The following VTN variants were observed in gnomAD, a reference collection of about 807,000 sequenced individuals.
VTN encodes the protein complement S-protein.
In VTN, 45 loss-of-function variants were observed where a neutral mutation model predicts 55.9. That is an observed-to-expected ratio of 0.80 (90% CI 0.63 to 1.03). The LOEUF (loss-of-function observed/expected upper bound fraction) is 1.03, where lower values mean the gene tolerates loss of function less well. VTN is among the 50% of genes least tolerant of loss of function. VTN has a pLI of 0.00. For missense variants in VTN, 589 were observed against 638.2 expected (o/e 0.92, Z 0.83); for synonymous variants, 238 against 242.3 (o/e 0.98, Z 0.17).
At position 28,368,070 on chromosome 17, in the gene VTN, G is replaced by A; in HGVS notation, c.980-11C>T. 6.4e-7 allele frequency: 1 copy of A among 1,561,808 alleles called. No homozygotes were observed. The highest frequency in any genetic ancestry group is 8.7e-7 in the Non-Finnish European group (1 of 1,152,498). On this transcript the variant is annotated splice_polypyrimidine_tract_variant and intron_variant, in intron 6 of 7. Coordinates refer to ENST00000226218, the MANE Select transcript of VTN (RefSeq NM_000638.4). The stretch of plus-strand genomic sequence containing the variant: ...GCTGTCTGGTACCAGCTGTGGCAGG[G>A]AAGGGGTGAATGAGAGGTCTTGGGG...
Position 28,368,913 on chromosome 17 carries a change from G to C in VTN, c.785C>G (p.Ala262Gly). 1 of 1,612,548 alleles carries C rather than the reference G, an allele frequency of 6.2e-7. No homozygotes were observed. The highest frequency in any genetic ancestry group is 8.5e-7 in the Non-Finnish European group (1 of 1,179,584). Residue 262 changes from alanine to glycine, a missense_variant, in exon 5 of 8, where the codon GCC becomes GGC. By Grantham distance (60) the Ala-to-Gly change is moderately conservative (BLOSUM62 0). This residue lies in a region of VTN where 334 missense variants were observed against 328.2 expected (regional missense o/e 1.02). Transcript: ENST00000226218. ...CCGCTCCCGGCCACTGTAGCTATGG[G>C]CAGGGAGGGCCAAGGCTGCATCCAC... ...DNVDAALALPAHSYSGRERVY... is the reference protein window; with the variant it reads ...DNVDAALALPGHSYSGRERVY...
chr17:28,367,686 C>T (rs2067915661), intron 7 of VTN, 29 bp downstream of exon 7: 2 of 1,597,988 alleles, frequency 1.3e-6, no homozygotes, highest in Non-Finnish European at 1.7e-6. Context: ...CCAAGCTAGA[C>T]CAGCTTCAGG....
Position 28,368,509 on chromosome 17 carries a change from C to T in VTN, c.979+12G>A, listed in dbSNP as rs781798185. 6.2e-7 allele frequency: 1 copy of T among 1,613,094 alleles called. No individual in the cohort carries two copies. The highest frequency in any genetic ancestry group is 8.5e-7 in the Non-Finnish European group (1 of 1,179,564). ...TTTTGAGGGAGAAGCAAGACTTGCC[C>T]TCTCTCCATACCAGAGGTTCTGCCC... is the stretch of plus-strand genomic sequence containing the variant. On this transcript the variant is annotated intron_variant, in intron 6 of 7. Transcript: ENST00000226218.
Position 28,369,980 on chromosome 17 carries a change from C to T in VTN, c.131G>A (p.Cys44Tyr), listed in dbSNP as rs1555583756. 1 of 1,613,958 alleles carries T rather than the reference C, an allele frequency of 6.2e-7. No individual in the cohort carries two copies. Residue 44 changes from cysteine to tyrosine, a missense_variant, in exon 2 of 8, where the codon TGC (cysteine) becomes TAC (tyrosine). By Grantham distance (194) the Cys-to-Tyr change is radical. Transcript: ENST00000226218. The surrounding 1 kb of genome is among the most constrained non-coding windows in gnomAD (Gnocchi z 5.3). ...TGTGCAGCAGCTCTGGTAGTAAGAG[C>T]AGAGCTCGTCACACTGGCACTTCTT... ...VDKKCQCDEL[C>Y]SYYQSCCTDY... is the part of the protein sequence containing the mutation.
rs782030246 is a variant in VTN at position 28,370,007 on chromosome 17, T to C, written c.104A>G (p.Asp35Gly). Residue 35 changes from aspartate to glycine, a missense_variant, in exon 2 of 8, where the codon GAC (aspartate) becomes GGC (glycine). Asp to Gly is a moderately conservative substitution (Grantham distance 94). Around this residue, in one of 3 missense-constraint regions of VTN, gnomAD observed 217 missense variants for 241.3 expected, o/e 0.90. Coordinates refer to ENST00000226218, the MANE Select transcript of VTN (RefSeq NM_000638.4). ...KGRCTEGFNV[D>G]KKCQCDELCS... ...GAGCTCGTCACACTGGCACTTCTTG[T>C]CCACGTTGAAGCCCTCAGTGCAGCG... 6.2e-6 allele frequency: 10 copies of C among 1,614,120 alleles called. No individual in the cohort carries two copies. The highest frequency in any genetic ancestry group is 8.5e-6 in the Non-Finnish European group (10 of 1,180,026).
Position 28,368,043 on chromosome 17 carries a change from G to A in VTN, c.996C>T (p.Pro332=), listed in dbSNP as rs963846656. 1 of 1,582,566 alleles carries A rather than the reference G, an allele frequency of 6.3e-7. No individual in the cohort carries two copies. Among genetic ancestry groups the A allele is most frequent in the Non-Finnish European group, 8.6e-7 (1 of 1,163,956 alleles). The part of the protein sequence containing the change: ...WGRTSAGTRQ[P]QFISRDWHGV... ...CGTGCCAGTCCCGGCTAATGAACTG[G>A]GGCTGTCTGGTACCAGCTGTGGCAG... The change falls in exon 7 of 8, where the codon CCC becomes CCT. Residue 332 remains proline (P), a synonymous_variant. Transcript: ENST00000226218.
At position 28,368,925 on chromosome 17, in the gene VTN, A is replaced by G; in HGVS notation, c.773T>C (p.Leu258Ser). ...ACTGTAGCTATGGGCAGGGAGGGCCAAGGCTGCATCCACGTTGTCCGGGAT... is the reference window on the plus strand; with the variant it reads ...ACTGTAGCTATGGGCAGGGAGGGCCGAGGCTGCATCCACGTTGTCCGGGAT... ...DGIPDNVDAA[L>S]ALPAHSYSGR... The change falls in exon 5 of 8, where the codon TTG becomes TCG. Residue 258 changes from leucine to serine, a missense_variant. This residue lies in a region of VTN where 334 missense variants were observed against 328.2 expected (regional missense o/e 1.02). Transcript: ENST00000226218. 6.2e-7 allele frequency: 1 copy of G among 1,610,542 alleles called. No individual in the cohort carries two copies. The highest frequency in any genetic ancestry group is 1.3e-5 in the African/African-American group (1 of 74,752).
chr17:28,367,522 G>C, intron 7 of VTN, 41 bp from the exon 8 acceptor site: 1 of 1,558,350 alleles, frequency 6.4e-7, no homozygotes, highest in Non-Finnish European at 8.8e-7. Context: ...GGCCCAGCCT[G>C]GCCCTGCCCA....
rs781963183 is a variant in VTN at position 28,368,673 on chromosome 17, C to T, written c.827G>A (p.Gly276Glu). The T allele has an allele frequency of 2.5e-6, 4 of 1,613,460 alleles. No homozygotes were observed. In the Admixed American group the frequency reaches 6.7e-5, roughly 27 times the overall value. ...SGRERVYFFK[G>E]KQYWEYQFQH... ...GAACTGGTACTCCCAGTACTGTTTCCCTGAGGAGCAGGGTGGTGGGCATTA... is the reference window on the plus strand; with the variant it reads ...GAACTGGTACTCCCAGTACTGTTTCTCTGAGGAGCAGGGTGGTGGGCATTA... The change falls in exon 6 of 8, where the codon GGG (glycine) becomes GAG (glutamate). Residue 276 changes from glycine (G) to glutamate (E), a missense_variant and splice_region_variant. Gly to Glu is a moderately conservative substitution (Grantham distance 98). Around this residue, in one of 3 missense-constraint regions of VTN, gnomAD observed 334 missense variants for 328.2 expected, o/e 1.02. Coordinates refer to ENST00000226218, the MANE Select transcript of VTN (RefSeq NM_000638.4).
chr17:28,369,158 C>G lies in VTN; in HGVS notation c.670-130G>C, dbSNP rs193268005. The G allele has an allele frequency of 4.7e-6, 7 of 1,503,826 alleles. No individual in the cohort carries two copies. The African/African-American group carries it at 7.0e-5, about 15-fold the overall frequency. The allele number at this position is 1,503,826 out of a possible 1,614,324, so 93.2% of individuals were successfully genotyped here. A position where few individuals can be genotyped will look rare whatever the true frequency, so the allele number is the denominator to read the frequency against. ...CAGGACCTGGAGTCTTGGGGCTGCC[C>G]TGTGCTCACAGAGCTCCCACCAGGT... is the stretch of plus-strand genomic sequence containing the variant. On this transcript the variant is annotated intron_variant, in intron 4 of 7. Coordinates refer to ENST00000226218, the MANE Select transcript of VTN (RefSeq NM_000638.4). This position sits in a 1 kb window ranked among gnomAD's most constrained non-coding sequence, Gnocchi z 5.3.
Position 28,368,561 on chromosome 17 carries a change from C to T in VTN, c.939G>A (p.Trp313Ter). ...AGAAGAGAAGCTCGAAGATGTCCTCCCAGCTGTCCCGCTGCATCATGGCAA... is the reference window on the plus strand; with the variant it reads ...AGAAGAGAAGCTCGAAGATGTCCTCTCAGCTGTCCCGCTGCATCATGGCAA... ...EHFAMMQRDSWEDIFELLFWG... is the reference protein window; with the variant it reads ...EHFAMMQRDS The change falls in exon 6 of 8, where the codon TGG becomes TGA. Residue 313 changes from tryptophan to a stop codon, truncating the protein, a stop_gained. Coordinates refer to ENST00000226218, the MANE Select transcript of VTN (RefSeq NM_000638.4). LOFTEE classifies it high-confidence loss of function. 2 of 1,614,052 alleles carry T rather than the reference C, an allele frequency of 1.2e-6. No homozygotes were observed. Among genetic ancestry groups the T allele is most frequent in the South Asian group, 1.1e-5 (1 of 91,080 alleles).
chr17:28,368,771 G>T, intron 5 of VTN, 98 bp from the exon 6 acceptor site: 2 of 1,609,778 alleles, frequency 1.2e-6, no homozygotes, highest in Admixed American at 1.7e-5. Context: ...ATGAGGTGGG[G>T]GTCAGGGGTG....
chr17:28,369,008 A>G lies in VTN; in HGVS notation c.690T>C (p.Phe230=). 1 of 1,595,626 alleles carries G rather than the reference A, an allele frequency of 6.3e-7. No homozygotes were observed. The highest frequency in any genetic ancestry group is 8.5e-7 in the Non-Finnish European group (1 of 1,175,114). ...YLFKGSQYWR[F]EDGVLDPDYP... is the part of the protein sequence containing the mutation. ...AATCAGGGTCCAGGACACCATCCTC[A>G]AAGCGCCAGTACTGACTACCCTAAG... Residue 230 remains phenylalanine, a synonymous_variant, in exon 5 of 8, where the codon TTT becomes TTC. Transcript: ENST00000226218. This position sits in a 1 kb window ranked among gnomAD's most constrained non-coding sequence, Gnocchi z 5.3.
rs2067926770 is a variant in VTN at position 28,368,589 on chromosome 17, T to C, written c.911A>G (p.His304Arg). The change falls in exon 6 of 8, where the codon CAC becomes CGC. Residue 304 changes from histidine (H) to arginine (R), a missense_variant. Around this residue, in one of 3 missense-constraint regions of VTN, gnomAD observed 334 missense variants for 328.2 expected, o/e 1.02. Transcript: ENST00000226218. Reference sequence around the variant, plus strand: ...GCTGTCCCGCTGCATCATGGCAAAGTGTTCAAACACAGCCGACAGGGAGCT... The same window carrying C: ...GCTGTCCCGCTGCATCATGGCAAAGCGTTCAAACACAGCCGACAGGGAGCT... The part of the protein sequence containing the change: ...EGSSLSAVFE[H>R]FAMMQRDSWE... The C allele has an allele frequency of 6.2e-7, 1 of 1,614,052 alleles. No individual in the cohort carries two copies. Among genetic ancestry groups the C allele is most frequent in the East Asian group, 2.2e-5 (1 of 44,878 alleles).
At position 28,369,400 on chromosome 17, in the gene VTN, C is replaced by G; in HGVS notation, c.558G>C (p.Lys186Asn). The change falls in exon 4 of 8, where the codon AAG (lysine) becomes AAC (asparagine). Residue 186 changes from lysine (K) to asparagine (N), a missense_variant. Physicochemically the swap from Lys to Asn is moderately conservative, Grantham distance 94. Transcript: ENST00000226218. The surrounding 1 kb of genome is among the most constrained non-coding windows in gnomAD (Gnocchi z 5.3). ...RGQYCYELDE[K>N]AVRPGYPKLI... ...GCTTGGGGTACCCAGGCCTCACTGC[C>G]TTTTCGTCCAGTTCATAGCAGTACT... 5 of 1,601,954 alleles carry G rather than the reference C, an allele frequency of 3.1e-6. No homozygotes were observed. Among genetic ancestry groups the G allele is most frequent in the Non-Finnish European group, 4.3e-6 (5 of 1,171,068 alleles).
At position 28,368,962 on chromosome 17, in the gene VTN, C is replaced by T. The variant is rs782153712; in HGVS notation, c.736G>A (p.Gly246Ser). ...ACGTTGTCCGGGATGCCATCGAAGC[C>T]GTCAGAGATATTTCGGGGGTAATCA... ...DPDYPRNISD[G>S]FDGIPDNVDA... Residue 246 changes from glycine to serine, a missense_variant, in exon 5 of 8, where the codon GGC (glycine) becomes AGC (serine). Gly to Ser is a moderately conservative substitution (Grantham distance 56). Around this residue, in one of 3 missense-constraint regions of VTN, gnomAD observed 334 missense variants for 328.2 expected, o/e 1.02. Transcript: ENST00000226218. 6 of 1,604,116 alleles carry T rather than the reference C, an allele frequency of 3.7e-6. No individual in the cohort carries two copies. The highest frequency in any genetic ancestry group is 5.1e-6 in the Non-Finnish European group (6 of 1,177,394).
intron 1 of VTN, 42 bp downstream of exon 1, chr17:28,370,098 C>T (rs1223250898): frequency 6.2e-7 from 1 of 1,613,614 alleles, no homozygotes; most frequent in African/African-American, 1.3e-5. Context: ...CACCCTCGCC[C>T]TCCCTACATT....
chr17:28,367,404 A>G lies in VTN; in HGVS notation c.1402T>C (p.Tyr468His), dbSNP rs781913404. The G allele has an allele frequency of 1.2e-6, 2 of 1,611,840 alleles. No homozygotes were observed. The highest frequency in any genetic ancestry group is 1.7e-6 in the Non-Finnish European group (2 of 1,179,392). ...DPPYPRSIAQ[Y>H]WLGCPAPGHL is the part of the protein sequence containing the mutation. ...CCAGGAGCTGGGCAGCCCAGCCAGT[A>G]CTGAGCGATGGAGCGTGGGTAGGGA... is the stretch of plus-strand genomic sequence containing the variant. Residue 468 changes from tyrosine (Y) to histidine (H), a missense_variant, in exon 8 of 8, where the codon TAC becomes CAC. Tyr to His is a moderately conservative substitution (Grantham distance 83). Coordinates refer to ENST00000226218, the MANE Select transcript of VTN (RefSeq NM_000638.4).
At chr17:28,368,088 T>A (rs1555583335) in intron 6 of VTN, 29 bp from the exon 7 acceptor site, 15 of 1,529,272 alleles carry the variant, frequency 9.8e-6, no homozygotes, top group African/African-American at 1.4e-5. Flanking sequence ...GAATGAGAGG[T>A]CTTGGGGGTC....
Sources: gnomAD v4.1 joint callset for allele counts on GRCh38, gnomAD v4.1.1 for gene constraint, gnomAD v4.1.1 regional missense constraint, Gnocchi (gnomAD v3.1) non-coding constraint, MANE v1.5 for transcripts, NCBI Gene and HGNC (gene_info 2026-07-23, HGNC 2026-07-21) for gene names.